APP: variants seen among roughly 807,000 people sequenced by gnomAD.
APP encodes the protein amyloid-beta precursor protein.
A neutral mutation model predicts 101.4 loss-of-function variants in APP; 31 were observed. That is an observed-to-expected ratio of 0.31 (90% CI 0.23 to 0.41). APP has a LOEUF of 0.41. APP is among the 10% of genes least tolerant of loss of function. The pLI is 1.00. For missense variants in APP, 839 were observed against 1,003.7 expected (o/e 0.84, Z 2.22); for synonymous variants, 366 against 364.4 (o/e 1.00, Z -0.05).
intron 5 of APP, among the ~76,000 whole-genome samples, chr21:26,027,810 T>C (rs2044645590): frequency 6.6e-6 from 1 of 152,182 alleles, no homozygotes; most frequent in Non-Finnish European, 1.5e-5. Context: ...GGGTTTCTTG[T>C]TACTTGCAGC....
In APP at chr21:25,936,127, G is replaced by A. The variant is rs555963052; in HGVS notation, c.1687+18463C>T. On this transcript the variant is annotated intron_variant, in intron 13 of 17. Coordinates refer to ENST00000346798, the MANE Select transcript of APP (RefSeq NM_000484.4). Reference sequence around the variant, plus strand: ...AGCCAACTGCTATGGATCGAACTGTGTGCCCCTGAAAATTCATGTATCAAA... The same window carrying A: ...AGCCAACTGCTATGGATCGAACTGTATGCCCCTGAAAATTCATGTATCAAA... Among the ~76,000 whole-genome samples the A allele has an allele frequency of 2.6e-5, 4 of 152,322 alleles. No homozygotes were observed. In the South Asian group the frequency reaches 8.3e-4, roughly 32 times the overall value.
At chr21:25,974,936 G>A (rs992648936) in intron 11 of APP, 134 bp downstream of exon 11, 6 of 1,333,506 alleles carry the variant, frequency 4.5e-6, no homozygotes, top group Admixed American at 3.9e-5. Flanking sequence ...GGAATGGACA[G>A]GGGTTGAACC....
chr21:25,901,248 G>C (rs9978790), intron 15 of APP, among the ~76,000 whole-genome samples: 5 of 147,156 alleles, frequency 3.4e-5, no homozygotes, highest in Non-Finnish European at 7.4e-5. Flanking sequence ...CAGTGAGCTG[G>C]TATCATGCCA....
intron 13 of APP, chr21:25,934,366 T>A (rs1057032837): frequency 6.6e-6 from 1 of 152,188 alleles, no homozygotes; most frequent in Non-Finnish European, 1.5e-5. Flanking sequence ...ACACTGCCCA[T>A]GTAAGTGAAT....
chr21:26,115,546 A>G (rs940144145), intron 1 of APP, among the ~76,000 whole-genome samples: 4 of 152,232 alleles, frequency 2.6e-5, no homozygotes, highest in African/African-American at 9.6e-5. Context: ...CTGGTTGCTA[A>G]GCGCAGCCAC....
chr21:25,897,822 C>A (rs551142927), intron 15 of APP, 149 bp from the exon 16 acceptor site: 14 of 675,604 alleles, frequency 2.1e-5, no homozygotes, highest in African/African-American at 3.6e-5. Context: ...AAAATGATAC[C>A]CTATATTTAA....
intron 13 of APP, chr21:25,946,029 T>C (rs2040805586): frequency 2.6e-6 from 1 of 380,024 alleles, no homozygotes; most frequent in Non-Finnish European, 5.3e-6. Flanking sequence ...GATATTTATA[T>C]GCAAAAGAAT....
At chr21:26,080,491 G>A (rs1434110027) in intron 3 of APP, among the ~76,000 whole-genome samples, 2 of 151,808 alleles carry the variant, frequency 1.3e-5, no homozygotes, top group South Asian at 4.2e-4. Flanking sequence ...CTTTCCGCCG[G>A]GTTGTGGTGG....
At chr21:25,931,491 C>A (rs2040145726) in intron 13 of APP, among the ~76,000 whole-genome samples, 1 of 152,138 alleles carries the variant, frequency 6.6e-6, no homozygotes, top group South Asian at 2.1e-4. Context: ...GGTCAAGTGA[C>A]CTGCGCTTCA....
At chr21:25,910,399 C>A (rs990380273) in intron 14 of APP, among the ~76,000 whole-genome samples, 1 of 152,056 alleles carries the variant, frequency 6.6e-6, no homozygotes, top group Non-Finnish European at 1.5e-5. Flanking sequence ...CTAAGTCCTG[C>A]GATTACAGGC....
chr21:25,899,507 C>G (rs906416668), intron 15 of APP, among the ~76,000 whole-genome samples: 5 of 152,034 alleles, frequency 3.3e-5, no homozygotes, highest in African/African-American at 1.2e-4. Context: ...TGCAGGGGTG[C>G]GAGATGCCAT....
chr21:26,046,778 C>G (rs1411873313), intron 5 of APP, among the ~76,000 whole-genome samples: 1 of 152,196 alleles, frequency 6.6e-6, no homozygotes, highest in Non-Finnish European at 1.5e-5. Flanking sequence ...CCATGGACCA[C>G]TGGGTTCAAT....
chr21:25,977,672 G>A (rs1198664422), intron 9 of APP, among the ~76,000 whole-genome samples: 1 of 152,086 alleles, frequency 6.6e-6, no homozygotes, highest in Non-Finnish European at 1.5e-5. Context: ...GAAACAAGAT[G>A]GAATAAATAT....
At chr21:26,059,872 A>G (rs1307735273) in intron 3 of APP, among the ~76,000 whole-genome samples, 1 of 132,436 alleles carries the variant, frequency 7.6e-6, no homozygotes, top group Non-Finnish European at 1.6e-5. Context: ...GACTGAGCGA[A>G]AGAGCGAGAC....
intron 11 of APP, among the ~76,000 whole-genome samples, chr21:25,960,620 A>G (rs1453749628): frequency 2.0e-5 from 3 of 152,182 alleles, no homozygotes; most frequent in African/African-American, 7.2e-5. Context: ...ATAACAGAGT[A>G]GCAAAGGAGG....
At chr21:26,020,948 A>G (rs952767552) in intron 6 of APP, among the ~76,000 whole-genome samples, 4 of 152,346 alleles carry the variant, frequency 2.6e-5, no homozygotes, top group African/African-American at 9.6e-5. Flanking sequence ...TACTTCTTGA[A>G]GAAAGCACTG....
chr21:25,926,925 C>A (rs926872874), intron 13 of APP, among the ~76,000 whole-genome samples: 1 of 138,994 alleles, frequency 7.2e-6, no homozygotes, highest in African/African-American at 2.7e-5. Flanking sequence ...ATGGTGTGAA[C>A]CCCGGAGGCG....
At chr21:26,008,543 T>C (rs2043639878) in intron 6 of APP, among the ~76,000 whole-genome samples, 1 of 152,148 alleles carries the variant, frequency 6.6e-6, no homozygotes, top group African/African-American at 2.4e-5. Context: ...CACTCTTGAG[T>C]TACAGTGTAT....
chr21:26,116,438 C>G (rs745689806), intron 1 of APP, among the ~76,000 whole-genome samples: 2 of 152,226 alleles, frequency 1.3e-5, no homozygotes, highest in African/African-American at 4.8e-5. Context: ...AGATGTGAAT[C>G]TGGAAACCCT....
Sources: allele counts gnomAD v4.1 joint callset (sites outside exome capture counted in the v4.1 genomes callset), GRCh38; gene constraint gnomAD v4.1.1; transcripts MANE v1.5; gene names NCBI Gene and HGNC (gene_info 2026-07-23, HGNC 2026-07-21).